Variants in ARHGEF26 observed in about 807,000 individuals in gnomAD.
The protein encoded by ARHGEF26 is Rho guanine nucleotide exchange factor 26, also known as Rho guanine nucleotide exchange factor (GEF) 26.
In ARHGEF26, 59 loss-of-function variants were observed where a neutral mutation model predicts 89.4. The observed-to-expected ratio is 0.66, with a 90% CI of 0.54 to 0.82. ARHGEF26 has a LOEUF of 0.82. Ranked by LOEUF, ARHGEF26 falls within the 40% of genes least tolerant of loss-of-function variation. The probability of loss-of-function intolerance (pLI) is 0.00; values close to 1 mark genes in which losing one functional copy is unlikely to be tolerated. For synonymous variants in ARHGEF26, 500 were observed against 428.4 expected, an observed-to-expected ratio of 1.17 and a Z score of -2.06; for missense variants, 1,234 against 1,085.6, an observed-to-expected ratio of 1.14 and a Z score of -1.92.
intron 6 of ARHGEF26, among the ~76,000 whole-genome samples, chr3:154,182,049 G>A (rs1047992683): frequency 2.1e-4 from 31 of 150,988 alleles, no homozygotes; most frequent in Middle Eastern, 3.4e-3. Context: ...GTGTGTGTGT[G>A]TATATATACA....
At chr3:154,250,570 CTG>C (rs1718079857) in intron 12 of ARHGEF26, among the ~76,000 whole-genome samples, 1 of 152,220 alleles carries the variant, frequency 6.6e-6, no homozygotes, top group East Asian at 1.9e-4. Context: ...TGGAAACTGG[CTG>C]TAGGGCAAAG....
chr3:154,228,511 A>T (rs1436829755), intron 11 of ARHGEF26, among the ~76,000 whole-genome samples: 3 of 149,410 alleles, frequency 2.0e-5, no homozygotes, highest in Non-Finnish European at 4.4e-5. Flanking sequence ...AATGGAGAGG[A>T]CAACCTGAGT....
intron 12 of ARHGEF26, among the ~76,000 whole-genome samples, chr3:154,241,958 A>C (rs1394779354): frequency 6.6e-6 from 1 of 152,230 alleles, no homozygotes; most frequent in Non-Finnish European, 1.5e-5. Context: ...TGAGCCTAGG[A>C]GAAGGTACAG....
chr3:154,205,222 C>T (rs74645924), intron 9 of ARHGEF26, among the ~76,000 whole-genome samples: 1 of 151,938 alleles, frequency 6.6e-6, no homozygotes, highest in South Asian at 2.1e-4. Flanking sequence ...TTATTATATC[C>T]TCTTGCTGAA....
At chr3:154,145,347 T>C (rs1252738720) in intron 4 of ARHGEF26, among the ~76,000 whole-genome samples, 2 of 152,330 alleles carry the variant, frequency 1.3e-5, no homozygotes, top group South Asian at 4.1e-4. Flanking sequence ...AATTTTACTT[T>C]GAAATCCCTT....
At chr3:154,236,766 T>C (rs996724834) in intron 11 of ARHGEF26, among the ~76,000 whole-genome samples, 4 of 152,232 alleles carry the variant, frequency 2.6e-5, no homozygotes, top group Non-Finnish European at 5.9e-5. Context: ...TTAAATGGAA[T>C]TGTTTCTTTT....
Position 154,122,797 on chromosome 3 carries a change from G to A in ARHGEF26, c.805G>A (p.Val269Met), listed in dbSNP as rs535079615. 6.2e-7 allele frequency: 1 copy of A among 1,611,546 alleles called. No homozygotes were observed. The highest frequency in any genetic ancestry group is 1.7e-5 in the Admixed American group (1 of 59,600). ...IKISKSNNQN[V>M]EPHKRLLKVR... is the part of the protein sequence containing the mutation. ...AATAAGTAAATCCAACAATCAAAAT[G>A]TGGAGCCCCACAAGAGACTCCTCAA... Residue 269 changes from valine (V) to methionine (M), a missense_variant, in exon 2 of 15, where the codon GTG (valine) becomes ATG (methionine). Val to Met is a conservative substitution (Grantham distance 21). Coordinates refer to ENST00000465093, the MANE Select transcript of ARHGEF26 (RefSeq NM_015595.4).
Position 154,152,855 on chromosome 3 carries a change from A to G in ARHGEF26, c.1410A>G (p.Glu470=). The G allele has an allele frequency of 6.3e-7, 1 of 1,590,742 alleles. No individual in the cohort carries two copies. Among genetic ancestry groups the G allele is most frequent in the Non-Finnish European group, 8.6e-7 (1 of 1,167,840 alleles). Residue 470 remains glutamate, a synonymous_variant, in exon 6 of 15, where the codon GAA becomes GAG. Transcript: ENST00000465093. ...ILIRMFKNSK[E]LSDTMTKTER... is the part of the protein sequence containing the mutation. Reference sequence around the variant, plus strand: ...TACGAATGTTTAAAAATTCTAAAGAACTGAGTGATACAATGACTAAAACCG... The same window carrying G: ...TACGAATGTTTAAAAATTCTAAAGAGCTGAGTGATACAATGACTAAAACCG...
intron 6 of ARHGEF26, among the ~76,000 whole-genome samples, chr3:154,160,982 A>C (rs1297213128): frequency 6.6e-6 from 1 of 152,108 alleles, no homozygotes; most frequent in Non-Finnish European, 1.5e-5. Flanking sequence ...TGAATACTGG[A>C]CCAGGAGACC....
At chr3:154,172,643 G>A (rs937364653) in intron 6 of ARHGEF26, among the ~76,000 whole-genome samples, 3 of 152,144 alleles carry the variant, frequency 2.0e-5, no homozygotes, top group East Asian at 1.9e-4. Flanking sequence ...GCAGTGAGCC[G>A]AGATCACATG....
intron 12 of ARHGEF26, among the ~76,000 whole-genome samples, chr3:154,247,374 C>T (rs905095938): frequency 6.6e-6 from 1 of 152,188 alleles, no homozygotes; most frequent in African/African-American, 2.4e-5. Flanking sequence ...CCTGCCAGTT[C>T]TTCCTGTGTA....
chr3:154,170,087 C>T (rs535766670), intron 6 of ARHGEF26, among the ~76,000 whole-genome samples: 1 of 151,890 alleles, frequency 6.6e-6, no homozygotes, highest in East Asian at 1.9e-4. Flanking sequence ...ACTAGCTGGG[C>T]GTGGTGGCTC....
intron 9 of ARHGEF26, among the ~76,000 whole-genome samples, chr3:154,216,479 T>TTG (rs1385366411): frequency 1.5e-4 from 4 of 25,926 alleles, no homozygotes; most frequent in Admixed American, 5.8e-4. Flanking sequence ...TCAGCACTTG[T>TTG]TTTTTTTTTT....
intron 10 of ARHGEF26, among the ~76,000 whole-genome samples, chr3:154,223,606 A>G (rs946732847): frequency 6.6e-6 from 1 of 152,220 alleles, no homozygotes; most frequent in African/African-American, 2.4e-5. Flanking sequence ...CACATATTGT[A>G]TAATTCCATT....
In ARHGEF26 at chr3:154,256,570, A is replaced by C. The variant is rs1718520993; in HGVS notation, c.*1097A>C. The C allele has an allele frequency of 4.0e-6, 4 of 1,002,666 alleles. No individual in the cohort carries two copies. Among genetic ancestry groups the C allele is most frequent in the Admixed American group, 1.2e-4 (2 of 16,702 alleles). The allele number at this position is 1,002,666 out of a possible 1,614,324, so 62.1% of individuals were successfully genotyped here. On this transcript the variant is annotated 3_prime_UTR_variant, in exon 15 of 15. Coordinates refer to ENST00000465093, the MANE Select transcript of ARHGEF26 (RefSeq NM_015595.4). ...AATTAAAAAAAAAAAAAAAAAAAAA[A>C]AAAAACCTTCCCAAATGAGCTGATA... is the stretch of plus-strand genomic sequence containing the variant.
intron 4 of ARHGEF26, among the ~76,000 whole-genome samples, chr3:154,134,378 G>T (rs1206131744): frequency 2.0e-5 from 3 of 152,146 alleles, no homozygotes; most frequent in Non-Finnish European, 4.4e-5. Context: ...ATGGTGGAAG[G>T]CCAGGAGGAG....
intron 9 of ARHGEF26, among the ~76,000 whole-genome samples, chr3:154,205,256 T>G (rs939913567): frequency 6.6e-6 from 1 of 152,178 alleles, no homozygotes; most frequent in African/African-American, 2.4e-5. Flanking sequence ...CATTATATAG[T>G]GACTTTCTTT....
intron 10 of ARHGEF26, among the ~76,000 whole-genome samples, chr3:154,223,880 A>G (rs1003700049): frequency 2.0e-5 from 3 of 152,174 alleles, no homozygotes; most frequent in Non-Finnish European, 4.4e-5. Flanking sequence ...CATTAAAAAA[A>G]TTATTTGCTC....
intron 10 of ARHGEF26, among the ~76,000 whole-genome samples, chr3:154,218,591 T>G (rs1715925940): frequency 6.6e-6 from 1 of 152,256 alleles, no homozygotes; most frequent in African/African-American, 2.4e-5. Context: ...CTCACGATTG[T>G]GACTCTATTG....
Sources: gnomAD v4.1 joint callset for allele counts (sites outside exome capture counted in the v4.1 genomes callset) on GRCh38, gnomAD v4.1.1 for gene constraint, MANE v1.5 for transcripts, NCBI Gene and HGNC (gene_info 2026-07-23, HGNC 2026-07-21) for gene names.